Variants in CYLC2 observed in about 807,000 individuals in gnomAD.
CYLC2 encodes cylicin 2, also known as cylicin-2.
A neutral mutation model predicts 26.1 loss-of-function variants in CYLC2; 30 were observed. The ratio of observed to expected loss-of-function variants is 1.15; its 90% CI spans 0.86 to 1.56. The LOEUF is 1.56. Among genes scored for constraint, CYLC2 ranks in the 40% most tolerant of loss-of-function variants. The pLI, the probability that CYLC2 is intolerant of heterozygous loss-of-function variation, is 0.00. For synonymous variants in CYLC2, 158 were observed against 132.8 expected, an observed-to-expected ratio of 1.19 and a Z score of -1.31; for missense variants, 498 against 394.4, an observed-to-expected ratio of 1.26 and a Z score of -2.23.
At position 103,006,661 on chromosome 9, in the gene CYLC2, G is replaced by A. The variant is rs552991420; in HGVS notation, c.*700+283G>A. 3.3e-5 allele frequency among the ~76,000 whole-genome samples: 5 copies of A among 152,054 alleles called. No individual in the cohort carries two copies. In the South Asian group the frequency reaches 6.2e-4, roughly 19 times the overall value. On this transcript the variant is annotated intron_variant, in intron 5 of 7. Transcript: ENST00000374798. ...AATCTCCTGACCTCGTGATCCGCCC[G>A]TCTCGGCCTCCCAAAGTGCTGGGAT...
intron 3 of CYLC2, among the ~76,000 whole-genome samples, chr9:103,003,657 C>T (rs560524457): frequency 6.6e-6 from 1 of 152,166 alleles, no homozygotes; most frequent in Admixed American, 6.5e-5. Context: ...TATACAGTTG[C>T]CCCTTTATTT....
In CYLC2 at chr9:103,005,527, ATGCCAAGAAAGT is replaced by A. The variant is rs568757462; in HGVS notation, c.908_919del (p.Val303_Lys306del). On this transcript the variant is annotated inframe_deletion, in exon 5 of 8. Transcript: ENST00000374798. ...GAGTCTAAGAAGGACGCCACGAAAG[ATGCCAAGAAAGT>A]TGCCAAGAAAGATACTGAGAAAGAA... The A allele has an allele frequency of 3.2e-4, 509 of 1,611,786 alleles. 4 individuals are homozygous for A. In the African/African-American group the frequency reaches 6.3e-3, roughly 20 times the overall value.
intron 6 of CYLC2, among the ~76,000 whole-genome samples, chr9:103,012,893 G>A (rs1189409723): frequency 2.7e-5 from 4 of 150,908 alleles, no homozygotes; most frequent in Admixed American, 6.7e-5. Flanking sequence ...ATACAGAGAA[G>A]ATAGTGAGTA....
At chr9:102,996,081 A>G (rs1248282182) in intron 1 of CYLC2, among the ~76,000 whole-genome samples, 1 of 151,890 alleles carries the variant, frequency 6.6e-6, no homozygotes, top group Admixed American at 6.6e-5. Context: ...TTTGTAATAT[A>G]AAGTATGGGT....
chr9:102,997,690 T>G (rs1483688472), intron 1 of CYLC2, among the ~76,000 whole-genome samples: 3 of 151,980 alleles, frequency 2.0e-5, no homozygotes, highest in Non-Finnish European at 4.4e-5. Context: ...AACTCACATG[T>G]AACTTGGGAA....
At chr9:103,003,073 G>A (rs1042948544) in intron 2 of CYLC2, 69 bp from the exon 3 acceptor site, 73 of 1,577,922 alleles carry the variant, frequency 4.6e-5, no homozygotes, top group Non-Finnish European at 5.6e-5. Context: ...TACGTTGCAC[G>A]TAATGCCATT....
intron 5 of CYLC2, among the ~76,000 whole-genome samples, chr9:103,007,008 CATCAT>C (rs1455127451): frequency 3.3e-5 from 5 of 152,034 alleles, no homozygotes; most frequent in Admixed American, 6.5e-5. Context: ...TGCTTCATAA[CATCAT>C]ATTGTACACG....
intron 7 of CYLC2, among the ~76,000 whole-genome samples, chr9:103,017,490 A>G (rs376918548): frequency 4.6e-5 from 7 of 152,148 alleles, no homozygotes; most frequent in African/African-American, 1.4e-4. Flanking sequence ...GATCTGAAAT[A>G]AAGTATGCTT....
In CYLC2 at chr9:103,005,106, A is replaced by T; in HGVS notation, c.475A>T (p.Lys159Ter). Residue 159 changes from lysine (K) to a stop codon, truncating the protein, a stop_gained, in exon 5 of 8, where the codon AAA becomes TAA. Transcript: ENST00000374798. LOFTEE classifies it high-confidence loss of function. The part of the protein sequence containing the change: ...KGKEEKLDAK[K>*]DSKKGKKDAE... The stretch of plus-strand genomic sequence containing the variant: ...AAAAGAAGAAAAGCTAGATGCAAAG[A>T]AAGATAGCAAAAAAGGTAAAAAGGA... 1 of 1,607,066 alleles carries T rather than the reference A, an allele frequency of 6.2e-7. No homozygotes were observed.
chr9:103,010,898 A>C (rs997129171), intron 5 of CYLC2: 1 of 152,094 alleles, frequency 6.6e-6, no homozygotes, highest in African/African-American at 2.4e-5. Context: ...ATATGCATAG[A>C]ATCCTAGATC....
chr9:103,013,921 T>C (rs1385666132), intron 6 of CYLC2, among the ~76,000 whole-genome samples: 2 of 93,158 alleles, frequency 2.1e-5, no homozygotes, highest in African/African-American at 4.0e-5. Context: ...TTATACATTA[T>C]ATATCATATC....
chr9:103,008,497 C>T (rs7469346), intron 5 of CYLC2, among the ~76,000 whole-genome samples: 111,797 of 151,186 alleles, frequency 0.74, 41,849 homozygotes, highest in East Asian at 1. Context: ...TACTTAAGCA[C>T]CTAGTTGACT....
At position 103,005,569 on chromosome 9, in the gene CYLC2, C is replaced by T. The variant is rs1423602942; in HGVS notation, c.938C>T (p.Ala313Val). 1.9e-6 allele frequency: 3 copies of T among 1,608,428 alleles called. No homozygotes were observed. In the South Asian group the frequency reaches 3.3e-5, roughly 18 times the overall value. The change falls in exon 5 of 8, where the codon GCT (alanine) becomes GTT (valine). Residue 313 changes from alanine to valine, a missense_variant. Physicochemically the swap from Ala to Val is moderately conservative, Grantham distance 64 (BLOSUM62 0). Coordinates refer to ENST00000374798, the MANE Select transcript of CYLC2 (RefSeq NM_001340.5). ...AAGAAAGATACTGAGAAAGAATCTG[C>T]TGATTCAAAGAAGGATGCAAAGAAA... is the stretch of plus-strand genomic sequence containing the variant. ...VAKKDTEKES[A>V]DSKKDAKKNA...
At chr9:103,011,876 T>C (rs1263515704) in intron 5 of CYLC2, 106 bp from the exon 6 acceptor site, 2 of 151,392 alleles carry the variant, frequency 1.3e-5, no homozygotes. Flanking sequence ...ATGATATTAT[T>C]CCAGTTCTCT....
chr9:103,003,184 C>T lies in CYLC2; in HGVS notation c.101C>T (p.Ala34Val). ...AAATCATGGAATCAGCAACACTTTG[C>T]CCTGTTATTTCCCAAACCACAACGG... The part of the protein sequence containing the change: ...SKKSWNQQHF[A>V]LLFPKPQRPG... The change falls in exon 3 of 8, where the codon GCC (alanine) becomes GTC (valine). Residue 34 changes from alanine to valine, a missense_variant. Transcript: ENST00000374798. 2 of 1,613,602 alleles carry T rather than the reference C, an allele frequency of 1.2e-6. No individual in the cohort carries two copies. The highest frequency in any genetic ancestry group is 1.7e-6 in the Non-Finnish European group (2 of 1,179,670).
intron 1 of CYLC2, among the ~76,000 whole-genome samples, chr9:103,000,931 T>C (rs1370539566): frequency 6.6e-6 from 1 of 151,852 alleles, no homozygotes; most frequent in Non-Finnish European, 1.5e-5. Context: ...AAGATAGTAA[T>C]AAAACAAATG....
At chr9:102,996,984 G>A (rs1463313960) in intron 1 of CYLC2, among the ~76,000 whole-genome samples, 3 of 151,752 alleles carry the variant, frequency 2.0e-5, no homozygotes, top group Non-Finnish European at 2.9e-5. Flanking sequence ...GTGAGATAGG[G>A]TATCTAAATA....
chr9:103,007,008 C>A (rs1009228577), intron 5 of CYLC2, among the ~76,000 whole-genome samples: 1 of 152,034 alleles, frequency 6.6e-6, no homozygotes, highest in Non-Finnish European at 1.5e-5. Context: ...TGCTTCATAA[C>A]ATCATATTGT....
At chr9:103,016,527 T>C (rs1247740845) in intron 6 of CYLC2, among the ~76,000 whole-genome samples, 1 of 152,076 alleles carries the variant, frequency 6.6e-6, no homozygotes, top group East Asian at 1.9e-4. Context: ...TTTTCTGCTA[T>C]TTACTACTAC....
Sources: gnomAD v4.1 joint callset for allele counts (sites outside exome capture counted in the v4.1 genomes callset) on GRCh38, gnomAD v4.1.1 for gene constraint, MANE v1.5 for transcripts, NCBI Gene and HGNC (gene_info 2026-07-23, HGNC 2026-07-21) for gene names.